The following ZC4H2 variants were observed in gnomAD, a reference collection of about 807,000 sequenced individuals.
ZC4H2 encodes the protein zinc finger C4H2 domain-containing protein.
For synonymous variants in ZC4H2, 84 were observed against 66.3 expected (o/e 1.27, Z -1.30); for missense variants, 137 against 173.9 (o/e 0.79, Z 1.19).
At chrX:65,028,618 G>T (rs1454689894) in intron 1 of ZC4H2, among the ~76,000 whole-genome samples, 3 of 109,410 alleles carry the variant, frequency 2.7e-5, no homozygotes, top group African/African-American at 1.0e-4. Context: ...TGCAACCTCT[G>T]CCTCCTGGGT....
intron 1 of ZC4H2, among the ~76,000 whole-genome samples, chrX:64,981,706 T>C (rs1336493566): frequency 9.0e-6 from 1 of 110,855 alleles, no homozygotes; most frequent in Non-Finnish European, 1.9e-5. Flanking sequence ...GTTAGGGAGT[T>C]AGGAGCTGAG....
chrX:64,944,886 G>T (rs768227226), intron 1 of ZC4H2, among the ~76,000 whole-genome samples: 10 of 111,912 alleles, frequency 8.9e-5, no homozygotes, highest in African/African-American at 2.9e-4. Context: ...TGATTCTTGC[G>T]CATGCTTCAT....
chrX:65,018,847 G>T (rs989141109), intron 1 of ZC4H2, among the ~76,000 whole-genome samples: 2 of 111,513 alleles, frequency 1.8e-5, no homozygotes, highest in Non-Finnish European at 3.8e-5. Flanking sequence ...AGCTTGGTGG[G>T]GGGAGGGGCG....
intron 1 of ZC4H2, among the ~76,000 whole-genome samples, chrX:65,020,559 C>A (rs1418401222): frequency 8.9e-6 from 1 of 111,898 alleles, no homozygotes; most frequent in East Asian, 2.8e-4. Context: ...AAAGGAACAA[C>A]CAAAACCAGC....
At chrX:64,982,377 C>T (rs12395257) in intron 1 of ZC4H2, among the ~76,000 whole-genome samples, 25,169 of 111,407 alleles carry the variant, frequency 0.23, 6,874 homozygotes, top group African/African-American at 0.78. Context: ...GTCCCCCTCA[C>T]AGAGCTGTTT....
chrX:64,935,141 G>A (rs1228122722), intron 1 of ZC4H2, among the ~76,000 whole-genome samples: 1 of 111,437 alleles, frequency 9.0e-6, no homozygotes, highest in African/African-American at 3.3e-5. Context: ...AGTTTGGTGG[G>A]AGGAGGGGCG....
chrX:65,026,588 A>G (rs1423813371), intron 1 of ZC4H2, among the ~76,000 whole-genome samples: 1 of 110,797 alleles, frequency 9.0e-6, no homozygotes, highest in Admixed American at 9.6e-5. Flanking sequence ...GGACGCCTGT[A>G]GTCCCAGCTA....
intron 1 of ZC4H2, among the ~76,000 whole-genome samples, chrX:64,942,520 C>T (rs964773155): frequency 1.1e-5 from 1 of 89,182 alleles, no homozygotes; most frequent in Non-Finnish European, 2.2e-5. Flanking sequence ...TGTGATGTTT[C>T]CCTCCTTGTG....
chrX:64,947,962 T>C (rs1413922948), intron 1 of ZC4H2, among the ~76,000 whole-genome samples: 2 of 111,255 alleles, frequency 1.8e-5, no homozygotes, highest in African/African-American at 6.5e-5. Context: ...TCAGTTAAAC[T>C]CCTTTACATT....
At chrX:65,001,245 G>A (rs1339443222) in intron 1 of ZC4H2, among the ~76,000 whole-genome samples, 1 of 111,877 alleles carries the variant, frequency 8.9e-6, no homozygotes, top group Non-Finnish European at 1.9e-5. Flanking sequence ...CTCTCTGCAG[G>A]AACCCTAGAA....
At chrX:64,947,526 C>T (rs1238980135) in intron 1 of ZC4H2, among the ~76,000 whole-genome samples, 6 of 112,372 alleles carry the variant, frequency 5.3e-5, no homozygotes, top group African/African-American at 1.9e-4. Flanking sequence ...TATTGTAATG[C>T]TTTTACTTTA....
upstream of ZC4H2, among the ~76,000 whole-genome samples, chrX:64,976,972 C>A (rs1016564713): frequency 2.7e-5 from 3 of 109,980 alleles, no homozygotes; most frequent in African/African-American, 1.0e-4. Flanking sequence ...GGAGATGCTG[C>A]AAAAGCTGGG....
At chrX:64,928,799 C>T (rs12852826) in intron 1 of ZC4H2, among the ~76,000 whole-genome samples, 1 of 92,090 alleles carries the variant, frequency 1.1e-5, no homozygotes, top group Non-Finnish European at 2.1e-5. Context: ...TTTTTCTTCT[C>T]CTTCTTCTTC....
intron 1 of ZC4H2, among the ~76,000 whole-genome samples, chrX:64,987,129 T>G (rs1304485995): frequency 9.2e-6 from 1 of 109,109 alleles, no homozygotes; most frequent in African/African-American, 3.3e-5. Context: ...AGGGTTTCAC[T>G]GTGTTAGCCA....
chrX:64,972,037 C>G (rs1197777607), intron 1 of ZC4H2, among the ~76,000 whole-genome samples: 1 of 111,554 alleles, frequency 9.0e-6, no homozygotes, highest in Admixed American at 9.5e-5. Flanking sequence ...TTTATTACTG[C>G]TATCCTCCCT....
chrX:65,014,093 C>T lies in ZC4H2; in HGVS notation c.-272+20536G>A, dbSNP rs778279161. ...ATCTTTGAAGGAATTCAAGCAGAAT[C>T]TGACTATCTGTTAGAGATTTTTGTA... is the stretch of plus-strand genomic sequence containing the variant. On this transcript the variant is annotated intron_variant, in intron 1 of 4. Transcript: ENST00000337990. Among the ~76,000 whole-genome samples the T allele has an allele frequency of 4.5e-5, 5 of 111,013 alleles. No individual in the cohort carries two copies. The South Asian group carries it at 1.9e-3, about 42-fold the overall frequency.
rs904688187 is a variant in ZC4H2, at chrX:64,957,376, C to T, written c.53+18949G>A. Among the ~76,000 whole-genome samples, 5 of 111,644 alleles carry T rather than the reference C, an allele frequency of 4.5e-5. No homozygotes were observed. The South Asian group carries it at 1.5e-3, about 33-fold the overall frequency. On this transcript the variant is annotated intron_variant, in intron 1 of 4. Coordinates refer to ENST00000374839, the MANE Select transcript of ZC4H2 (RefSeq NM_018684.4). ...CATGAATCATTCATTGCTCAATTAA[C>T]CTCCTTTAAATTTAATTTGGCTGAA... is the stretch of plus-strand genomic sequence containing the variant.
At chrX:64,941,215 G>A (rs749725768) in intron 1 of ZC4H2, among the ~76,000 whole-genome samples, 1 of 111,737 alleles carries the variant, frequency 8.9e-6, no homozygotes, top group East Asian at 2.8e-4. Context: ...TGGTGTATAG[G>A]AATGCTTGTG....
intron 1 of ZC4H2, among the ~76,000 whole-genome samples, chrX:64,992,566 T>C (rs5964893): frequency 0.24 from 26,618 of 110,956 alleles, 7,709 homozygotes; most frequent in African/African-American, 0.83. Flanking sequence ...ACCAAGAATT[T>C]AGTTATCCCA....
Sources: allele counts gnomAD v4.1 joint callset (sites outside exome capture counted in the v4.1 genomes callset), GRCh38; gene constraint gnomAD v4.1.1; transcripts MANE v1.5; gene names NCBI Gene and HGNC (gene_info 2026-07-23, HGNC 2026-07-21).